CCDC91: variants seen among roughly 807,000 people sequenced by gnomAD.
CCDC91 encodes coiled-coil domain-containing protein 91.
Under a neutral mutation model 63.2 loss-of-function variants are expected in CCDC91, and 48 were observed. The ratio of observed to expected loss-of-function variants is 0.76; its 90% CI spans 0.60 to 0.97. The LOEUF (loss-of-function observed/expected upper bound fraction) is 0.97. CCDC91 is among the 50% of genes least tolerant of loss of function. The pLI is 0.00. For synonymous variants in CCDC91, 167 were observed against 165.8 expected (o/e 1.01, Z -0.06); for missense variants, 500 against 494.6 (o/e 1.01, Z -0.10).
intron 3 of CCDC91, chr12:28,304,826 C>T (rs1184952419): frequency 3.0e-6 from 1 of 333,252 alleles, no homozygotes; most frequent in Non-Finnish European, 5.7e-6. Flanking sequence ...AGAAAGAACA[C>T]TGGAAAATCA....
intron 1 of CCDC91, among the ~76,000 whole-genome samples, chr12:28,202,551 A>AT (rs1478244067): frequency 6.6e-6 from 1 of 152,146 alleles, no homozygotes; most frequent in Non-Finnish European, 1.5e-5. Flanking sequence ...TTGGACAGTT[A>AT]TTTCCCTAAT....
chr12:28,363,027 A>G (rs1944007217), intron 7 of CCDC91, among the ~76,000 whole-genome samples: 1 of 152,204 alleles, frequency 6.6e-6, no homozygotes, highest in Admixed American at 6.5e-5. Flanking sequence ...ATAAGCTGAA[A>G]TATTTAAAGC....
intron 12 of CCDC91, among the ~76,000 whole-genome samples, chr12:28,523,495 T>C (rs928353092): frequency 1.3e-5 from 2 of 152,170 alleles, no homozygotes; most frequent in Non-Finnish European, 2.9e-5. Context: ...GTCTCCTGAA[T>C]ACAGCACACT....
At chr12:28,459,724 A>C (rs1950217102) in intron 11 of CCDC91, among the ~76,000 whole-genome samples, 1 of 152,188 alleles carries the variant, frequency 6.6e-6, no homozygotes, top group African/African-American at 2.4e-5. Flanking sequence ...TACAGTGATG[A>C]ATGGCTGCAT....
chr12:28,230,194 A>G lies in CCDC91; in HGVS notation c.-14-27008A>G, dbSNP rs575175583. Among the ~76,000 whole-genome samples, 3 of 152,270 alleles carry G rather than the reference A, an allele frequency of 2.0e-5. No homozygotes were observed. In the South Asian group the frequency reaches 6.2e-4, roughly 32 times the overall value. ...GTAATCTGGGGTCATTCTGTACTTC[A>G]TTGCCTAAGGCAGGGAAATTGGCCA... On this transcript the variant is annotated intron_variant, in intron 1 of 12. Transcript: ENST00000536442.
At chr12:28,389,561 T>C (rs949191849) in intron 7 of CCDC91, among the ~76,000 whole-genome samples, 1 of 152,122 alleles carries the variant, frequency 6.6e-6, no homozygotes, top group Non-Finnish European at 1.5e-5. Context: ...TTGTACTTCT[T>C]AATTATGGAG....
At chr12:28,274,165 A>G (rs1454476558) in intron 3 of CCDC91, among the ~76,000 whole-genome samples, 3 of 151,922 alleles carry the variant, frequency 2.0e-5, no homozygotes, top group Non-Finnish European at 4.4e-5. Context: ...ATGCAGCATT[A>G]TTTCTGAGGG....
At chr12:28,362,594 CAT>C (rs1316314740) in intron 7 of CCDC91, 79 bp downstream of exon 7, 2 of 788,854 alleles carry the variant, frequency 2.5e-6, no homozygotes, top group East Asian at 2.9e-5. Context: ...TATGTGCAAA[CAT>C]ATACAAATTA....
chr12:28,207,406 C>T (rs1201315781), intron 1 of CCDC91, among the ~76,000 whole-genome samples: 2 of 152,126 alleles, frequency 1.3e-5, no homozygotes, highest in Non-Finnish European at 2.9e-5. Context: ...CAGTCTTTCT[C>T]TGATGTTCTC....
At chr12:28,507,393 T>C (rs1336010325) in intron 12 of CCDC91, among the ~76,000 whole-genome samples, 1 of 151,974 alleles carries the variant, frequency 6.6e-6, no homozygotes, top group Non-Finnish European at 1.5e-5. Flanking sequence ...CACCACCCAA[T>C]AGATGCCAGT....
At chr12:28,274,450 A>T (rs1277506997) in intron 3 of CCDC91, among the ~76,000 whole-genome samples, 12 of 152,086 alleles carry the variant, frequency 7.9e-5, no homozygotes, top group Admixed American at 1.3e-4. Flanking sequence ...CATTTTCACG[A>T]TATTGATTCT....
At chr12:28,333,311 C>T (rs978034930) in intron 6 of CCDC91, among the ~76,000 whole-genome samples, 6 of 149,640 alleles carry the variant, frequency 4.0e-5, no homozygotes, top group Admixed American at 2.7e-4. Context: ...AGGAGAATGG[C>T]GTGAACCCAG....
intron 1 of CCDC91, among the ~76,000 whole-genome samples, chr12:28,253,248 C>T (rs1279010691): frequency 1.3e-5 from 2 of 152,094 alleles, no homozygotes; most frequent in Non-Finnish European, 2.9e-5. Flanking sequence ...GCTCTTCTGA[C>T]TAGAGGTTTC....
intron 3 of CCDC91, among the ~76,000 whole-genome samples, chr12:28,282,562 G>A (rs1948674862): frequency 6.6e-6 from 1 of 152,046 alleles, no homozygotes; most frequent in Non-Finnish European, 1.5e-5. Context: ...ATTGTGCTGT[G>A]ATAAACATAC....
At chr12:28,457,545 T>G (rs1304082469) in intron 11 of CCDC91, among the ~76,000 whole-genome samples, 3 of 150,428 alleles carry the variant, frequency 2.0e-5, no homozygotes, top group African/African-American at 7.4e-5. Context: ...AAGGGAAAAA[T>G]CAGCTTCTGC....
intron 3 of CCDC91, among the ~76,000 whole-genome samples, chr12:28,272,676 G>A (rs1947868835): frequency 1.3e-5 from 2 of 151,830 alleles, no homozygotes; most frequent in Non-Finnish European, 2.9e-5. Context: ...CTATTCATGT[G>A]AAAAGGAAGC....
intron 6 of CCDC91, among the ~76,000 whole-genome samples, chr12:28,314,421 T>C (rs1450791157): frequency 6.6e-6 from 1 of 152,012 alleles, no homozygotes; most frequent in African/African-American, 2.4e-5. Context: ...ACTATAATAA[T>C]TGTGCTTTAT....
intron 11 of CCDC91, among the ~76,000 whole-genome samples, chr12:28,464,077 C>T (rs1268260086): frequency 6.6e-6 from 1 of 152,138 alleles, no homozygotes; most frequent in African/African-American, 2.4e-5. Context: ...CAGTGCTGCC[C>T]TTGTTATACC....
intron 1 of CCDC91, among the ~76,000 whole-genome samples, chr12:28,218,021 A>C: frequency 6.6e-6 from 1 of 151,814 alleles, no homozygotes; most frequent in East Asian, 1.9e-4. Flanking sequence ...AGTCTCATTC[A>C]TTTTCTAGTT....
Sources: allele counts gnomAD v4.1 joint callset (sites outside exome capture counted in the v4.1 genomes callset), GRCh38; gene constraint gnomAD v4.1.1; transcripts MANE v1.5; gene names NCBI Gene and HGNC (gene_info 2026-07-23, HGNC 2026-07-21).